FRMPD3: variants seen among roughly 807,000 people sequenced by gnomAD.
FRMPD3 encodes FERM and PDZ domain-containing protein 3.
In FRMPD3, 42 loss-of-function variants were observed where a neutral mutation model predicts 97.9. The ratio of observed to expected loss-of-function variants is 0.43; its 90% CI spans 0.34 to 0.55. The LOEUF is 0.55. Ranked by LOEUF, FRMPD3 falls within the 20% of genes least tolerant of loss-of-function variation. FRMPD3 has a pLI of 0.03. For missense variants in FRMPD3, 1,303 were observed against 1,457.7 expected (o/e 0.89, Z 1.73); for synonymous variants, 577 against 581.1 (o/e 0.99, Z 0.10).
intron 1 of FRMPD3, among the ~76,000 whole-genome samples, chrX:107,499,264 T>C (rs1348537089): frequency 9.0e-6 from 1 of 111,594 alleles, no homozygotes; most frequent in Non-Finnish European, 1.9e-5. Context: ...AAGTAGGAGA[T>C]TGCCAGGTAA....
At chrX:107,566,430 C>T (rs1200814900) in intron 12 of FRMPD3, among the ~76,000 whole-genome samples, 10 of 112,519 alleles carry the variant, frequency 8.9e-5, no homozygotes, top group Non-Finnish European at 1.9e-4. Context: ...AATTGGCTTG[C>T]GGCTACCTCC....
intron 4 of FRMPD3, among the ~76,000 whole-genome samples, chrX:107,541,205 A>G (rs1921281738): frequency 8.8e-6 from 1 of 113,089 alleles, no homozygotes; most frequent in African/African-American, 3.2e-5. Context: ...AATTCTCAAC[A>G]TTGTAATTCA....
chrX:107,599,117 A>G (rs904568871), intron 14 of FRMPD3, among the ~76,000 whole-genome samples: 3 of 110,597 alleles, frequency 2.7e-5, no homozygotes, highest in African/African-American at 9.9e-5. Context: ...TACTAAAAAT[A>G]CAAAAATTAA....
chrX:107,525,587 G>A (rs1922663541), intron 1 of FRMPD3: 1 of 556,827 alleles, frequency 1.8e-6, no homozygotes, highest in Admixed American at 2.2e-5. Flanking sequence ...GTTCCTCTGG[G>A]CTTTCAGGCC....
At chrX:107,537,989 C>T (rs777467105) in intron 4 of FRMPD3, among the ~76,000 whole-genome samples, 1 of 111,230 alleles carries the variant, frequency 9.0e-6, no homozygotes, top group East Asian at 2.8e-4. Context: ...CAGAGGTAAT[C>T]AGAGGATGAA....
chrX:107,535,372 A>C (rs1346718657), intron 4 of FRMPD3, among the ~76,000 whole-genome samples: 3 of 111,718 alleles, frequency 2.7e-5, no homozygotes, highest in African/African-American at 6.5e-5. Context: ...TATATCTTAC[A>C]TAACTATGTG....
chrX:107,574,213 G>A (rs2147614799), intron 12 of FRMPD3, among the ~76,000 whole-genome samples: 1 of 110,983 alleles, frequency 9.0e-6, no homozygotes, highest in East Asian at 2.8e-4. Flanking sequence ...GGAGGCCAAG[G>A]AGGATCACTT....
At chrX:107,504,214 G>A (rs930485482) in intron 1 of FRMPD3, among the ~76,000 whole-genome samples, 1 of 112,990 alleles carries the variant, frequency 8.9e-6, no homozygotes, top group Non-Finnish European at 1.9e-5. Flanking sequence ...CCAGGGACTT[G>A]CTGACTGCAG....
In FRMPD3 at chrX:107,533,510, C is replaced by T; in HGVS notation, c.257C>T (p.Ala86Val). 2 of 1,207,760 alleles carry T rather than the reference C, an allele frequency of 1.7e-6. No individual in the cohort carries two copies. The highest frequency in any genetic ancestry group is 3.5e-5 in the South Asian group (2 of 56,699). Residue 86 changes from alanine to valine, a missense_variant, in exon 4 of 15, where the codon GCT becomes GTT. Coordinates refer to ENST00000683843, the MANE Select transcript of FRMPD3 (RefSeq NM_001388459.1). Reference protein sequence around the residue: ...RERLIELIRSAKEFIVLTVLH... With the variant: ...RERLIELIRSVKEFIVLTVLH... ...ATTCCCTCTTTTCTCTGTAGGAGCGCTAAGGAATTCATCGTTCTTACAGTT... is the reference window on the plus strand; with the variant it reads ...ATTCCCTCTTTTCTCTGTAGGAGCGTTAAGGAATTCATCGTTCTTACAGTT...
rs1921060562 is a variant in FRMPD3 at position 107,537,719 on chromosome X, GT to G, written c.297+4170del. Among the ~76,000 whole-genome samples, 3 of 111,341 alleles carry G rather than the reference GT, an allele frequency of 2.7e-5. No homozygotes were observed. The South Asian group carries it at 1.1e-3, about 42-fold the overall frequency. ...AGAATCTCTCTGTATTTTACAACTGGTATGGCCATCCCAGTGCATGCCAATT... is the reference window on the plus strand; with the variant it reads ...AGAATCTCTCTGTATTTTACAACTGGATGGCCATCCCAGTGCATGCCAATT... On this transcript the variant is annotated intron_variant, in intron 4 of 14. Coordinates refer to ENST00000683843, the MANE Select transcript of FRMPD3 (RefSeq NM_001388459.1).
At chrX:107,517,816 AGAAG>A (rs1309888829) in intron 1 of FRMPD3, among the ~76,000 whole-genome samples, 49 of 83,199 alleles carry the variant, frequency 5.9e-4, no homozygotes, top group South Asian at 1.9e-3. Flanking sequence ...AAGGAAAGAA[AGAAG>A]GAAGGAAGGA....
intron 11 of FRMPD3, 114 bp downstream of exon 11, chrX:107,563,314 T>C: frequency 3.8e-6 from 2 of 527,982 alleles, no homozygotes; most frequent in Non-Finnish European, 6.2e-6. Context: ...CTCTTCCTCC[T>C]CCTTCTACCT....
At chrX:107,529,248 G>A (rs1039980840) in intron 2 of FRMPD3, among the ~76,000 whole-genome samples, 29 of 111,639 alleles carry the variant, frequency 2.6e-4, no homozygotes, top group African/African-American at 9.1e-4. Context: ...AACCAAGAAG[G>A]TACAGCCCTC....
chrX:107,485,431 C>T lies in FRMPD3; in HGVS notation c.-8+35426C>T, dbSNP rs182992556. Among the ~76,000 whole-genome samples the T allele has an allele frequency of 3.4e-3, 383 of 112,633 alleles. 4 individuals are homozygous for T. Among genetic ancestry groups the T allele is most frequent in the African/African-American group, 0.012 (362 of 31,041 alleles). On this transcript the variant is annotated intron_variant, in intron 1 of 14. Transcript: ENST00000683843. ...CCAGCTACTGAGAAGGATCCTGGACCAAATTATGTTTCAGTTCTATTCAGA... is the reference window on the plus strand; with the variant it reads ...CCAGCTACTGAGAAGGATCCTGGACTAAATTATGTTTCAGTTCTATTCAGA...
intron 1 of FRMPD3, among the ~76,000 whole-genome samples, chrX:107,517,481 C>G (rs1019885697): frequency 1.8e-5 from 2 of 111,527 alleles, no homozygotes; most frequent in Admixed American, 1.9e-4. Flanking sequence ...TGACCATGGC[C>G]GGGCGTGGTG....
intron 1 of FRMPD3, among the ~76,000 whole-genome samples, chrX:107,504,685 G>A (rs1407847510): frequency 1.8e-5 from 2 of 111,957 alleles, no homozygotes; most frequent in African/African-American, 6.5e-5. Context: ...TCAGCCATCT[G>A]GGCAGAATAC....
At chrX:107,537,438 T>C (rs1166092010) in intron 4 of FRMPD3, among the ~76,000 whole-genome samples, 3 of 111,990 alleles carry the variant, frequency 2.7e-5, no homozygotes, top group Non-Finnish European at 5.6e-5. Context: ...TTGTGCTCTC[T>C]AAATCCTTGG....
rs780768090 is a variant in FRMPD3, at chrX:107,550,131, C to T, written c.485C>T (p.Thr162Ile). ...FLENGQIKSF[T>I]FDGRTTVKDV... ...GAAAATGGGCAGATCAAGTCATTCA[C>T]ATTTGATGGTCGGACCACTGTTAAG... The change falls in exon 6 of 15, where the codon ACA (threonine) becomes ATA (isoleucine). Residue 162 changes from threonine to isoleucine, a missense_variant. Coordinates refer to ENST00000683843, the MANE Select transcript of FRMPD3 (RefSeq NM_001388459.1). 2 of 1,198,772 alleles carry T rather than the reference C, an allele frequency of 1.7e-6. No homozygotes were observed. The highest frequency in any genetic ancestry group is 2.3e-6 in the Non-Finnish European group (2 of 885,317).
chrX:107,594,680 G>A (rs752331549), intron 13 of FRMPD3, among the ~76,000 whole-genome samples: 2 of 111,774 alleles, frequency 1.8e-5, no homozygotes, highest in South Asian at 3.7e-4. Context: ...TCAGGAGTTC[G>A]AGACCAGCCT....
Sources: gnomAD v4.1 joint callset for allele counts (sites outside exome capture counted in the v4.1 genomes callset) on GRCh38, gnomAD v4.1.1 for gene constraint, MANE v1.5 for transcripts, NCBI Gene and HGNC (gene_info 2026-07-23, HGNC 2026-07-21) for gene names.